NAPB: variants seen among roughly 807,000 people sequenced by gnomAD.
The protein encoded by NAPB is beta-soluble NSF attachment protein.
In NAPB, 26 loss-of-function variants were observed where a neutral mutation model predicts 44.7. The observed-to-expected ratio is 0.58, with a 90% CI of 0.43 to 0.81. The LOEUF is 0.81. Among genes scored for constraint, NAPB ranks in the 30% least tolerant of loss-of-function variants. The pLI is 0.00. For missense variants in NAPB, 315 were observed against 356.4 expected, an observed-to-expected ratio of 0.88 and a Z score of 0.94; for synonymous variants, 120 against 116.8, an observed-to-expected ratio of 1.03 and a Z score of -0.18.
chr20:23,387,920 T>G (rs1472633424), intron 7 of NAPB, among the ~76,000 whole-genome samples: 2 of 152,166 alleles, frequency 1.3e-5, no homozygotes, highest in Non-Finnish European at 2.9e-5. Context: ...GATTAACGTT[T>G]GCATCAGTAG....
intron 7 of NAPB, among the ~76,000 whole-genome samples, chr20:23,383,853 G>A (rs965182058): frequency 6.6e-6 from 1 of 152,158 alleles, no homozygotes; most frequent in South Asian, 2.1e-4. Context: ...GACTCATGTG[G>A]TTCTAAATGT....
At chr20:23,407,180 G>A (rs902473609) in intron 1 of NAPB, among the ~76,000 whole-genome samples, 1 of 152,164 alleles carries the variant, frequency 6.6e-6, no homozygotes, top group Non-Finnish European at 1.5e-5. Flanking sequence ...GTCATAAACT[G>A]ACCATAACTT....
At chr20:23,379,769 C>A in intron 9 of NAPB, 98 bp downstream of exon 9, 1 of 913,518 alleles carries the variant, frequency 1.1e-6, no homozygotes, top group Non-Finnish European at 1.7e-6. Context: ...AGTTAGCAGA[C>A]TTTATAGATT....
chr20:23,403,227 G>A (rs1568616275), intron 1 of NAPB, among the ~76,000 whole-genome samples, 155 bp from the exon 2 acceptor site: 1 of 152,174 alleles, frequency 6.6e-6, no homozygotes, highest in African/African-American at 2.4e-5. Context: ...TACTATACCT[G>A]TTTTCCAGAT....
chr20:23,415,727 T>C (rs1985959888), intron 1 of NAPB, among the ~76,000 whole-genome samples: 1 of 152,128 alleles, frequency 6.6e-6, no homozygotes, highest in African/African-American at 2.4e-5. Context: ...TTTGGGAGGC[T>C]GAGGTCAGCA....
chr20:23,394,683 A>T (rs539015342), intron 5 of NAPB, among the ~76,000 whole-genome samples: 1 of 152,346 alleles, frequency 6.6e-6, no homozygotes, highest in South Asian at 2.1e-4. Context: ...CATGAATCAG[A>T]GAGAGTGGAA....
At chr20:23,390,788 C>T (rs1414219440) in intron 5 of NAPB, among the ~76,000 whole-genome samples, 1 of 152,226 alleles carries the variant, frequency 6.6e-6, no homozygotes, top group Non-Finnish European at 1.5e-5. Context: ...TTAGCAGCCA[C>T]ACTGGATTGT....
intron 10 of NAPB, 179 bp downstream of exon 10, chr20:23,379,266 T>C: frequency 2.0e-6 from 1 of 494,030 alleles, no homozygotes; most frequent in Non-Finnish European, 3.6e-6. Flanking sequence ...AATCTCAGCA[T>C]GGCTAATGGA....
chr20:23,410,934 T>C (rs571996350), intron 1 of NAPB, among the ~76,000 whole-genome samples: 4 of 152,106 alleles, frequency 2.6e-5, no homozygotes, highest in East Asian at 1.9e-4. Context: ...TCTAGAAGGA[T>C]AGAAATAAAA....
chr20:23,379,521 AAC>A, intron 9 of NAPB, 26 bp from the exon 10 acceptor site: 1 of 1,572,422 alleles, frequency 6.4e-7, no homozygotes, highest in Non-Finnish European at 8.7e-7. Context: ...TATTTTAAAA[AAC>A]AGTTCTGTAA....
intron 6 of NAPB, 40 bp downstream of exon 6, chr20:23,390,169 A>G: frequency 1.9e-6 from 3 of 1,556,700 alleles, no homozygotes; most frequent in South Asian, 1.1e-5. Flanking sequence ...ATCACACATA[A>G]TAAAACCCAT....
intron 2 of NAPB, 39 bp from the exon 3 acceptor site, chr20:23,397,227 C>T (rs756754767): frequency 2.0e-5 from 31 of 1,583,418 alleles, no homozygotes; most frequent in Admixed American, 1.4e-4. Flanking sequence ...AGGAACAAGT[C>T]CCCCCCAGAG....
intron 10 of NAPB, among the ~76,000 whole-genome samples, chr20:23,378,001 ACAGGAGG>A (rs1236633143): frequency 6.6e-6 from 1 of 152,140 alleles, no homozygotes; most frequent in Non-Finnish European, 1.5e-5. Flanking sequence ...TGAACATGTT[ACAGGAGG>A]CTACTGAGAA....
Position 23,377,461 on chromosome 20 carries a change from C to T in NAPB, c.812G>A (p.Arg271His), listed in dbSNP as rs1318487587. 1.2e-5 allele frequency: 20 copies of T among 1,601,458 alleles called. No homozygotes were observed. Among genetic ancestry groups the T allele is most frequent in the South Asian group, 2.3e-5 (2 of 88,880 alleles). ...CATGGTGGTCAGCCACTGATCCAAG[C>T]GAGATATTGAGTCAAATTCCTTCAC... ...EAVKEFDSIS[R>H]LDQWLTTMLL... The change falls in exon 11 of 11, where the codon CGC becomes CAC. Residue 271 changes from arginine (R) to histidine (H), a missense_variant. Transcript: ENST00000377026.
At position 23,397,122 on chromosome 20, in the gene NAPB, G is replaced by A. The variant is rs771029833; in HGVS notation, c.245C>T (p.Ala82Val). The change falls in exon 3 of 11, where the codon GCT becomes GTT. Residue 82 changes from alanine (A) to valine (V), a missense_variant. Ala to Val is a moderately conservative substitution (Grantham distance 64, BLOSUM62 0). Around this residue, in one of 3 missense-constraint regions of NAPB, gnomAD observed 179 missense variants for 182.5 expected, o/e 0.98. Transcript: ENST00000377026. ...ATTTCCAGCATCCACAAAGCTGGTAGCAGAGTCATGTTTGCTCTGAAGCTG... is the reference window on the plus strand; with the variant it reads ...ATTTCCAGCATCCACAAAGCTGGTAACAGAGTCATGTTTGCTCTGAAGCTG... ...HMQLQSKHDS[A>V]TSFVDAGNAY... is the part of the protein sequence containing the mutation. 6 of 1,613,836 alleles carry A rather than the reference G, an allele frequency of 3.7e-6. No individual in the cohort carries two copies. Among genetic ancestry groups the A allele is most frequent in the Non-Finnish European group, 5.1e-6 (6 of 1,179,742 alleles).
chr20:23,390,986 G>A (rs1319451460), intron 5 of NAPB, among the ~76,000 whole-genome samples: 3 of 152,178 alleles, frequency 2.0e-5, no homozygotes, highest in Non-Finnish European at 2.9e-5. Context: ...TGTGGTAGAA[G>A]TTAGTGAAAT....
intron 1 of NAPB, among the ~76,000 whole-genome samples, chr20:23,416,111 A>G (rs1985988480): frequency 6.6e-6 from 1 of 152,212 alleles, no homozygotes; most frequent in Non-Finnish European, 1.5e-5. Flanking sequence ...CTCTCCACCA[A>G]TATTTACCAC....
intron 1 of NAPB, among the ~76,000 whole-genome samples, chr20:23,419,857 T>C (rs750614567): frequency 1.3e-5 from 2 of 152,262 alleles, no homozygotes; most frequent in Non-Finnish European, 2.9e-5. Flanking sequence ...TCTGCAGTTA[T>C]GCGTACTGCA....
intron 1 of NAPB, among the ~76,000 whole-genome samples, chr20:23,420,602 T>C (rs1986327904): frequency 6.6e-6 from 1 of 151,572 alleles, no homozygotes; most frequent in Admixed American, 6.6e-5. Context: ...CCCGGACCGG[T>C]CTCAGGAGCG....
Sources: allele counts gnomAD v4.1 joint callset (sites outside exome capture counted in the v4.1 genomes callset), GRCh38; gene constraint gnomAD v4.1.1; regional missense constraint gnomAD v4.1.1; transcripts MANE v1.5; gene names NCBI Gene and HGNC (gene_info 2026-07-23, HGNC 2026-07-21).